FNDC3A: variants seen among roughly 807,000 people sequenced by gnomAD.
FNDC3A encodes fibronectin type III domain containing 3A.
A neutral mutation model predicts 148.9 loss-of-function variants in FNDC3A; 32 were observed. The ratio of observed to expected loss-of-function variants is 0.21; its 90% CI spans 0.16 to 0.29. The LOEUF (loss-of-function observed/expected upper bound fraction) is 0.29. Ranked by LOEUF, FNDC3A falls within the 10% of genes least tolerant of loss-of-function variation. FNDC3A has a pLI of 1.00. For missense variants in FNDC3A, 1,191 were observed against 1,452.8 expected (o/e 0.82, Z 2.93); for synonymous variants, 472 against 473.6 (o/e 1.00, Z 0.04).
At chr13:49,074,493 C>G (rs962811950) in intron 2 of FNDC3A, among the ~76,000 whole-genome samples, 1 of 152,180 alleles carries the variant, frequency 6.6e-6, no homozygotes, top group Non-Finnish European at 1.5e-5. Context: ...AAGACACTCA[C>G]TTCAGCATTG....
intron 3 of FNDC3A, among the ~76,000 whole-genome samples, chr13:49,076,328 T>C (rs1471280583): frequency 6.6e-6 from 1 of 152,022 alleles, no homozygotes; most frequent in Non-Finnish European, 1.5e-5. Context: ...CATTGCAACC[T>C]CTGCCTCCCG....
Position 49,195,034 on chromosome 13 carries a change from T to C in FNDC3A, c.2227-1843T>C, listed in dbSNP as rs1261932739. Among the ~76,000 whole-genome samples the C allele has an allele frequency of 2.6e-5, 4 of 152,306 alleles. No individual in the cohort carries two copies. In the East Asian group the frequency reaches 5.8e-4, roughly 22 times the overall value. On this transcript the variant is annotated intron_variant, in intron 19 of 25. Transcript: ENST00000492622. ...ATAGATGTTAGATTGTGCAGATTTG[T>C]CTGTATTTTCTCACCATATCAAATA...
intron 1 of FNDC3A, among the ~76,000 whole-genome samples, chr13:49,005,854 A>G (rs908596170): frequency 6.6e-6 from 1 of 151,912 alleles, no homozygotes; most frequent in Non-Finnish European, 1.5e-5. Context: ...AAAATATTAT[A>G]TAGAGATGAA....
intron 3 of FNDC3A, among the ~76,000 whole-genome samples, chr13:49,080,721 T>C (rs1008214332): frequency 2.0e-5 from 3 of 152,118 alleles, no homozygotes; most frequent in Admixed American, 6.6e-5. Context: ...TTGTGAAGAG[T>C]TATGAAAAAT....
At chr13:49,190,636 A>G (rs1451498737) in intron 17 of FNDC3A, among the ~76,000 whole-genome samples, 1 of 152,240 alleles carries the variant, frequency 6.6e-6, no homozygotes. Context: ...ATTTTAAAAC[A>G]TCCCTCCTTA....
At chr13:49,069,592 T>A (rs1420662289) in intron 2 of FNDC3A, among the ~76,000 whole-genome samples, 2 of 152,158 alleles carry the variant, frequency 1.3e-5, no homozygotes, top group Non-Finnish European at 2.9e-5. Flanking sequence ...CAGCTTAAAT[T>A]TTACATACTC....
chr13:49,047,947 C>G (rs1278429150), intron 2 of FNDC3A, among the ~76,000 whole-genome samples: 1 of 152,054 alleles, frequency 6.6e-6, no homozygotes, highest in East Asian at 1.9e-4. Context: ...TTTAAGACTT[C>G]GATTTATCTT....
intron 2 of FNDC3A, among the ~76,000 whole-genome samples, chr13:49,072,976 C>G (rs908976499): frequency 6.6e-6 from 1 of 152,164 alleles, no homozygotes; most frequent in Non-Finnish European, 1.5e-5. Flanking sequence ...CCTAATTTCT[C>G]TGGCTGGATG....
intron 11 of FNDC3A, among the ~76,000 whole-genome samples, chr13:49,173,829 G>A (rs1431383383): frequency 6.6e-6 from 1 of 152,144 alleles, no homozygotes; most frequent in African/African-American, 2.4e-5. Context: ...GGTGGCAAAT[G>A]TGAAACTTAC....
Position 49,080,874 on chromosome 13 carries a change from G to C in FNDC3A, c.175+5510G>C, listed in dbSNP as rs369714565. Among the ~76,000 whole-genome samples the C allele has an allele frequency of 2.8e-4, 43 of 152,298 alleles. No homozygotes were observed. In the South Asian group the frequency reaches 8.5e-3, roughly 30 times the overall value. On this transcript the variant is annotated intron_variant, in intron 3 of 25. Transcript: ENST00000492622. The stretch of plus-strand genomic sequence containing the variant: ...AAATTGGTTCCTCTAGATATCATCT[G>C]TTCTGTGAAGCCCTTGCTTTAGTTT...
chr13:48,998,689 G>A (rs569730782), intron 1 of FNDC3A, among the ~76,000 whole-genome samples: 12 of 152,238 alleles, frequency 7.9e-5, no homozygotes, highest in African/African-American at 2.6e-4. Context: ...GAAGCAAAAA[G>A]GCACCAGAAC....
intron 23 of FNDC3A, 58 bp from the exon 24 acceptor site, chr13:49,201,742 C>T: frequency 1.1e-6 from 1 of 880,674 alleles, no homozygotes; most frequent in African/African-American, 1.7e-5. Flanking sequence ...TTGTAAAACA[C>T]TTTAATAAGG....
intron 2 of FNDC3A, among the ~76,000 whole-genome samples, chr13:49,067,727 A>C (rs561711407): frequency 4.6e-5 from 7 of 152,184 alleles, no homozygotes; most frequent in Non-Finnish European, 5.9e-5. Flanking sequence ...ACCTCTAAAA[A>C]TCTGATGAAA....
intron 1 of FNDC3A, among the ~76,000 whole-genome samples, chr13:48,986,833 G>T (rs777312263): frequency 1.3e-5 from 2 of 152,164 alleles, no homozygotes; most frequent in Non-Finnish European, 2.9e-5. Context: ...ACTGGATTCT[G>T]CAGACAAATC....
chr13:49,104,044 A>C (rs1344822523), intron 3 of FNDC3A, among the ~76,000 whole-genome samples: 1 of 152,198 alleles, frequency 6.6e-6, no homozygotes, highest in Non-Finnish European at 1.5e-5. Context: ...AAAGAAATTG[A>C]AAAAGTATGA....
chr13:49,128,148 G>A (rs1881814406), intron 4 of FNDC3A, among the ~76,000 whole-genome samples: 2 of 152,164 alleles, frequency 1.3e-5, no homozygotes, highest in South Asian at 4.1e-4. Context: ...CCAAAGTGCT[G>A]GGATTACAGG....
At chr13:49,110,171 C>A in intron 3 of FNDC3A, 1 of 444,854 alleles carries the variant, frequency 2.2e-6, no homozygotes, top group Non-Finnish European at 4.0e-6. Context: ...TTTTTTTTCC[C>A]CTATATCAGA....
At chr13:49,112,952 A>G (rs1381131218) in intron 3 of FNDC3A, among the ~76,000 whole-genome samples, 1 of 152,074 alleles carries the variant, frequency 6.6e-6, no homozygotes, top group Non-Finnish European at 1.5e-5. Flanking sequence ...GCCAGATATT[A>G]TATAGTGTAA....
intron 3 of FNDC3A, among the ~76,000 whole-genome samples, chr13:49,079,282 A>G (rs1313344946): frequency 1.3e-5 from 2 of 152,214 alleles, no homozygotes; most frequent in Non-Finnish European, 2.9e-5. Context: ...ACATTCAAAC[A>G]AAATCTGAAA....
Sources: allele counts gnomAD v4.1 joint callset (sites outside exome capture counted in the v4.1 genomes callset), GRCh38; gene constraint gnomAD v4.1.1; transcripts MANE v1.5; gene names NCBI Gene and HGNC (gene_info 2026-07-23, HGNC 2026-07-21).